The following DGKH variants were observed in gnomAD, a reference collection of about 807,000 sequenced individuals.
The protein encoded by DGKH is DAG kinase eta.
In DGKH, 90 loss-of-function variants were observed where a neutral mutation model predicts 159.3. The observed-to-expected ratio is 0.57, with a 90% CI of 0.48 to 0.67. The LOEUF (loss-of-function observed/expected upper bound fraction) is 0.67, where lower values mean the gene tolerates loss of function less well. Ranked by LOEUF, DGKH falls within the 30% of genes least tolerant of loss-of-function variation. DGKH has a pLI of 0.00. For synonymous variants in DGKH, 536 were observed against 553.8 expected (o/e 0.97, Z 0.45); for missense variants, 1,181 against 1,506.1 (o/e 0.78, Z 3.57).
chr13:42,154,712 T>A (rs977255724), intron 3 of DGKH, among the ~76,000 whole-genome samples: 2 of 152,088 alleles, frequency 1.3e-5, no homozygotes, highest in Admixed American at 6.5e-5. Flanking sequence ...TCAATATTAT[T>A]TAAATATTAA....
At chr13:42,190,636 A>G (rs930200524) in intron 16 of DGKH, 111 bp downstream of exon 16, 64 of 1,126,266 alleles carry the variant, frequency 5.7e-5, no homozygotes, top group Non-Finnish European at 6.9e-5. Context: ...TTATTTTTGA[A>G]AAGGCTTTTT....
chr13:42,101,772 TGAGA>T (rs35380630), intron 1 of DGKH, among the ~76,000 whole-genome samples: 15 of 148,900 alleles, frequency 1.0e-4, no homozygotes, highest in Admixed American at 1.3e-4. Flanking sequence ...TGTGTGTGTG[TGAGA>T]GAGAGAGAGA....
chr13:42,208,068 A>T (rs561465985), intron 21 of DGKH, among the ~76,000 whole-genome samples: 1 of 152,238 alleles, frequency 6.6e-6, no homozygotes, highest in East Asian at 1.9e-4. Context: ...TTTAATGTCC[A>T]CGTTGTTTAT....
intron 14 of DGKH, among the ~76,000 whole-genome samples, chr13:42,187,386 T>A (rs12877348): frequency 6.6e-6 from 1 of 151,906 alleles, no homozygotes; most frequent in Non-Finnish European, 1.5e-5. Flanking sequence ...CAGTGATTGA[T>A]TTTTTTTGGA....
chr13:42,051,731 C>G (rs1206368058), intron 1 of DGKH, among the ~76,000 whole-genome samples: 1 of 132,076 alleles, frequency 7.6e-6, no homozygotes. Flanking sequence ...GTGATCTCGG[C>G]TCACTGCAGC....
At chr13:42,246,335 G>A (rs540662445), downstream of DGKH, among the ~76,000 whole-genome samples, 3 of 152,276 alleles carry the variant, frequency 2.0e-5, no homozygotes, top group Admixed American at 6.5e-5. Context: ...TGTAATCCCT[G>A]CAGTTTGGGA....
At chr13:42,159,598 G>C (rs1956128667) in intron 6 of DGKH, among the ~76,000 whole-genome samples, 1 of 152,036 alleles carries the variant, frequency 6.6e-6, no homozygotes, top group African/African-American at 2.4e-5. Flanking sequence ...CGTTGTGCTG[G>C]GCTGTTGTTG....
chr13:42,084,720 A>G lies in DGKH; in HGVS notation c.192+35755A>G, dbSNP rs546714612. ...CTAAGGATTAGACTTTTTTTTTTCC[A>G]GGCTAGTAGTATAAACGTGCTACTA... On this transcript the variant is annotated intron_variant, in intron 1 of 29. Coordinates refer to ENST00000337343, the MANE Select transcript of DGKH (RefSeq NM_178009.5). Among the ~76,000 whole-genome samples the G allele has an allele frequency of 1.9e-4, 29 of 150,468 alleles. No individual in the cohort carries two copies. The East Asian group carries it at 3.1e-3, about 16-fold the overall frequency.
chr13:42,185,475 GGC>G (rs1359230354), intron 13 of DGKH, among the ~76,000 whole-genome samples: 1 of 152,134 alleles, frequency 6.6e-6, no homozygotes, highest in East Asian at 1.9e-4. Flanking sequence ...TGGACTGAAG[GGC>G]TCTGTCTCTA....
At chr13:42,173,639 G>A (rs1956521039) in intron 11 of DGKH, among the ~76,000 whole-genome samples, 1 of 152,094 alleles carries the variant, frequency 6.6e-6, no homozygotes, top group Non-Finnish European at 1.5e-5. Flanking sequence ...AAAACTTTGG[G>A]TTATGACTCA....
At chr13:42,120,087 G>A (rs1019734552) in intron 1 of DGKH, among the ~76,000 whole-genome samples, 1 of 152,150 alleles carries the variant, frequency 6.6e-6, no homozygotes, top group East Asian at 1.9e-4. Context: ...AACTGGATAG[G>A]ACATTAAAGA....
chr13:42,215,630 A>G lies in DGKH; in HGVS notation c.3176A>G (p.Asn1059Ser). Residue 1059 changes from asparagine (N) to serine (S), a missense_variant, in exon 26 of 30, where the codon AAT becomes AGT. By Grantham distance (46) the Asn-to-Ser change is conservative (BLOSUM62 1). Transcript: ENST00000337343. ...EIAINVKALYNETESLLVGRV... is the reference protein window; with the variant it reads ...EIAINVKALYSETESLLVGRV... ...GCCATCAATGTGAAGGCGCTGTATA[A>G]TGAAACAGAATCTTTGCTAGTTGGC... 15 of 1,611,686 alleles carry G rather than the reference A, an allele frequency of 9.3e-6. No individual in the cohort carries two copies. Among genetic ancestry groups the G allele is most frequent in the Non-Finnish European group, 1.3e-5 (15 of 1,178,664 alleles).
intron 1 of DGKH, among the ~76,000 whole-genome samples, chr13:42,080,285 C>T (rs1954175459): frequency 2.0e-5 from 3 of 152,158 alleles, no homozygotes; most frequent in Admixed American, 1.3e-4. Context: ...CATTTAACTG[C>T]ACGATTCCAG....
intron 1 of DGKH, among the ~76,000 whole-genome samples, chr13:42,124,513 A>G (rs1339935886): frequency 1.3e-5 from 2 of 152,180 alleles, no homozygotes; most frequent in East Asian, 3.8e-4. Context: ...CATGTTATGA[A>G]ATATTGCTAA....
chr13:42,146,615 A>G (rs1955741390), intron 3 of DGKH, among the ~76,000 whole-genome samples: 1 of 152,250 alleles, frequency 6.6e-6, no homozygotes, highest in Non-Finnish European at 1.5e-5. Flanking sequence ...GTAACAATAC[A>G]TACCAAACTT....
downstream of DGKH, among the ~76,000 whole-genome samples, chr13:42,244,888 A>G (rs982347706): frequency 1.2e-4 from 15 of 127,522 alleles, no homozygotes; most frequent in African/African-American, 4.5e-4. Flanking sequence ...TGGGCGACAG[A>G]GCGAGACTCC....
At chr13:42,129,258 G>A (rs7986454) in intron 2 of DGKH, among the ~76,000 whole-genome samples, 56,099 of 152,050 alleles carry the variant, frequency 0.37, 11,146 homozygotes, top group South Asian at 0.44. Context: ...TGTATGCCAC[G>A]CACTCAGCAG....
At chr13:42,091,255 G>A (rs1954411721) in intron 1 of DGKH, among the ~76,000 whole-genome samples, 1 of 152,044 alleles carries the variant, frequency 6.6e-6, no homozygotes, top group Admixed American at 6.6e-5. Context: ...ATTAGATTTA[G>A]CAATGACTTC....
chr13:42,154,493 T>C (rs1955990814), intron 3 of DGKH, among the ~76,000 whole-genome samples: 1 of 152,210 alleles, frequency 6.6e-6, no homozygotes, highest in Non-Finnish European at 1.5e-5. Context: ...TCCACTTGCT[T>C]TAAGGTCCTT....
Sources: gnomAD v4.1 joint callset for allele counts (sites outside exome capture counted in the v4.1 genomes callset) on GRCh38, gnomAD v4.1.1 for gene constraint, MANE v1.5 for transcripts, NCBI Gene and HGNC (gene_info 2026-07-23, HGNC 2026-07-21) for gene names.